Variants in CLIP4 observed in about 807,000 individuals in gnomAD.
The protein encoded by CLIP4 is CAP-Gly domain containing linker protein family member 4.
CLIP4 carries 47 observed loss-of-function variants against 73.1 expected under a neutral mutation model. The ratio of observed to expected loss-of-function variants is 0.64; its 90% confidence interval spans 0.51 to 0.82. CLIP4 has a LOEUF of 0.82. Among genes scored for constraint, CLIP4 ranks in the 40% least tolerant of loss-of-function variants. The pLI, the probability that CLIP4 is intolerant of heterozygous loss-of-function variation, is 0.00. For missense variants in CLIP4, 874 were observed against 852.9 expected, an observed-to-expected ratio of 1.02 and a Z score of -0.31; for synonymous variants, 306 against 295.4, an observed-to-expected ratio of 1.04 and a Z score of -0.37.
chr2:29,131,842 T>A, intron 3 of CLIP4: 1 of 330,232 alleles, frequency 3.0e-6, no homozygotes, highest in Non-Finnish European at 5.5e-6. Context: ...GTGCTTATAC[T>A]TTTTTCAAAT....
intron 8 of CLIP4, among the ~76,000 whole-genome samples, 170 bp downstream of exon 8, chr2:29,145,537 C>G (rs1412730874): frequency 6.6e-6 from 1 of 152,096 alleles, no homozygotes; most frequent in Non-Finnish European, 1.5e-5. Flanking sequence ...TTTATTTACA[C>G]TGACGAGAGG....
intron 6 of CLIP4, among the ~76,000 whole-genome samples, chr2:29,140,892 C>G (rs1217128992): frequency 6.6e-6 from 1 of 152,114 alleles, no homozygotes; most frequent in Non-Finnish European, 1.5e-5. Flanking sequence ...TGAGGAGTGT[C>G]TGTTCTTATT....
chr2:29,164,519 A>C (rs547931443), intron 13 of CLIP4, among the ~76,000 whole-genome samples: 1 of 152,352 alleles, frequency 6.6e-6, no homozygotes, highest in East Asian at 1.9e-4. Context: ...TTTAAAAAAT[A>C]AGTTGAGCAG....
In CLIP4 at chr2:29,131,159, A is replaced by G. The variant is rs148556850; in HGVS notation, c.134-99A>G. 9.6e-5 allele frequency: 104 copies of G among 1,077,986 alleles called. No individual in the cohort carries two copies. In the African/African-American group the frequency reaches 1.6e-3, roughly 16 times the overall value. The allele number at this position is 1,077,986 out of a possible 1,614,324, so 66.8% of individuals were successfully genotyped here. ...TTCTGATTTTTTTTTAGCATCTAAA[A>G]TATTTGTATCATTTGAACCTTGGTT... On this transcript the variant is annotated intron_variant, in intron 2 of 15. Transcript: ENST00000320081.
chr2:29,112,500 T>C (rs1254461836), upstream of CLIP4, among the ~76,000 whole-genome samples: 2 of 152,262 alleles, frequency 1.3e-5, no homozygotes, highest in Non-Finnish European at 2.9e-5. Context: ...AACTTTATTG[T>C]TATTGTGAAT....
intron 14 of CLIP4, among the ~76,000 whole-genome samples, chr2:29,169,068 G>A (rs1161803791): frequency 1.3e-5 from 2 of 151,632 alleles, no homozygotes; most frequent in Non-Finnish European, 1.5e-5. Flanking sequence ...CACCCTAATA[G>A]GTGTGTTGTT....
intron 14 of CLIP4, among the ~76,000 whole-genome samples, chr2:29,170,326 C>T (rs1460204568): frequency 6.6e-6 from 1 of 152,142 alleles, no homozygotes; most frequent in African/African-American, 2.4e-5. Context: ...TTTGAAGAAA[C>T]TCCATCCTGT....
chr2:29,146,556 T>G (rs1666179948), intron 8 of CLIP4, among the ~76,000 whole-genome samples: 1 of 152,262 alleles, frequency 6.6e-6, no homozygotes, highest in Non-Finnish European at 1.5e-5. Flanking sequence ...AATTTGATTT[T>G]GTAGTCACTT....
chr2:29,127,031 C>G (rs1213148660), intron 2 of CLIP4, among the ~76,000 whole-genome samples: 2 of 152,146 alleles, frequency 1.3e-5, no homozygotes, highest in African/African-American at 4.8e-5. Context: ...GTTCCCATTT[C>G]TACCAAAGAT....
rs192903361 is a variant in CLIP4 at position 29,131,084 on chromosome 2, A to G, written c.134-174A>G. On this transcript the variant is annotated intron_variant, in intron 2 of 15. Coordinates refer to ENST00000320081, the MANE Select transcript of CLIP4 (RefSeq NM_024692.6). ...AGGTGTTGGTGAGGATTTTTAAAGT[A>G]TTTAGTAAGTGCTCAGCAAATGTTC... Among the ~76,000 whole-genome samples, 147 of 152,264 alleles carry G rather than the reference A, an allele frequency of 9.7e-4. 1 individual carries two copies. The highest frequency in any genetic ancestry group is 3.4e-3 in the African/African-American group (141 of 41,542).
chr2:29,125,777 G>T (rs1664563594), intron 2 of CLIP4, among the ~76,000 whole-genome samples: 1 of 152,128 alleles, frequency 6.6e-6, no homozygotes, highest in African/African-American at 2.4e-5. Flanking sequence ...TGGTGTTGTG[G>T]TTGTTTCAGA....
Position 29,103,550 on chromosome 2 carries a change from A to G in CLIP4, c.-16+5603A>G, listed in dbSNP as rs1193011752. Among the ~76,000 whole-genome samples, 3 of 152,298 alleles carry G rather than the reference A, an allele frequency of 2.0e-5. No homozygotes were observed. The East Asian group carries it at 5.8e-4, about 29-fold the overall frequency. On this transcript the variant is annotated intron_variant, in intron 1 of 14. Transcript: ENST00000401605. The stretch of plus-strand genomic sequence containing the variant: ...GATTCGTGATAAAGTAGGTACTGCT[A>G]CAATACCCATTTCATAAATGAGGGA...
At chr2:29,143,295 ATC>A (rs200455506) in intron 6 of CLIP4, among the ~76,000 whole-genome samples, 2,069 of 67,340 alleles carry the variant, frequency 0.031, 33 homozygotes, top group African/African-American at 0.052. Flanking sequence ...TCTGCTTTGG[ATC>A]TCTGTGGAGA....
intron 13 of CLIP4, among the ~76,000 whole-genome samples, chr2:29,166,439 A>G (rs1384263338): frequency 6.6e-6 from 1 of 151,754 alleles, no homozygotes; most frequent in Non-Finnish European, 1.5e-5. Context: ...CTTATTTAAT[A>G]CCTTTCTTCT....
intron 10 of CLIP4, 32 bp from the exon 11 acceptor site, chr2:29,157,172 C>A: frequency 1.3e-6 from 2 of 1,597,896 alleles, no homozygotes; most frequent in Non-Finnish European, 1.7e-6. Context: ...ATCTTATTTT[C>A]CACCGTTTGA....
At chr2:29,117,332 TTTTTTG>T (rs1319400302) in intron 1 of CLIP4, among the ~76,000 whole-genome samples, 2 of 150,580 alleles carry the variant, frequency 1.3e-5, no homozygotes, top group African/African-American at 4.9e-5. Flanking sequence ...TCTCTCTCTT[TTTTTTG>T]TTTTTGTTTT....
intron 15 of CLIP4, chr2:29,175,402 A>T (rs1668267651): frequency 6.6e-6 from 1 of 152,200 alleles, no homozygotes; most frequent in South Asian, 2.1e-4. Context: ...CAGTCAGTTT[A>T]TGCTCCAGTT....
intron 8 of CLIP4, 106 bp downstream of exon 8, chr2:29,145,473 A>T: frequency 1.1e-6 from 1 of 909,136 alleles, no homozygotes; most frequent in Non-Finnish European, 1.6e-6. Context: ...TTATGTGATA[A>T]ATGAGGGGCA....
At chr2:29,160,017 T>C (rs1316981421) in intron 11 of CLIP4, among the ~76,000 whole-genome samples, 1 of 152,274 alleles carries the variant, frequency 6.6e-6, no homozygotes, top group Non-Finnish European at 1.5e-5. Flanking sequence ...GTGACCCCTG[T>C]TCTAGTAGAG....
Sources: gnomAD v4.1 joint callset for allele counts (sites outside exome capture counted in the v4.1 genomes callset) on GRCh38, gnomAD v4.1.1 for gene constraint, MANE v1.5 for transcripts, NCBI Gene and HGNC (gene_info 2026-07-23, HGNC 2026-07-21) for gene names.